GMPR: variants seen among roughly 807,000 people sequenced by gnomAD.
The protein encoded by GMPR is GMP reductase 1.
A neutral mutation model predicts 38.4 loss-of-function variants in GMPR; 31 were observed. The ratio of observed to expected loss-of-function variants is 0.81; its 90% CI spans 0.61 to 1.09. The LOEUF is 1.09. GMPR is among the 50% of genes least tolerant of loss of function. The probability of loss-of-function intolerance (pLI) is 0.00; values close to 1 mark genes in which losing one functional copy is unlikely to be tolerated. For missense variants in GMPR, 468 were observed against 453.7 expected (o/e 1.03, Z -0.29); for synonymous variants, 162 against 173.3 (o/e 0.93, Z 0.51).
chr6:16,267,591 A>T (rs1759283675), intron 4 of GMPR, among the ~76,000 whole-genome samples: 1 of 152,102 alleles, frequency 6.6e-6, no homozygotes, highest in African/African-American at 2.4e-5. Flanking sequence ...ATCTGACGGA[A>T]CAAACTCCGG....
At chr6:16,276,746 A>T (rs925165913) in intron 5 of GMPR, among the ~76,000 whole-genome samples, 3 of 152,182 alleles carry the variant, frequency 2.0e-5, no homozygotes, top group Non-Finnish European at 4.4e-5. Flanking sequence ...TGCATATTAC[A>T]TATCTAAATG....
intron 7 of GMPR, among the ~76,000 whole-genome samples, chr6:16,287,130 G>C (rs961847000): frequency 6.6e-6 from 1 of 152,186 alleles, no homozygotes; most frequent in African/African-American, 2.4e-5. Flanking sequence ...TGAGGGGACT[G>C]AGGCTGTAGG....
At chr6:16,282,027 C>T (rs1225799077) in intron 6 of GMPR, among the ~76,000 whole-genome samples, 1 of 152,234 alleles carries the variant, frequency 6.6e-6, no homozygotes, top group South Asian at 2.1e-4. Context: ...TTGCCAGTAG[C>T]CCTGAACCTG....
intron 1 of GMPR, among the ~76,000 whole-genome samples, chr6:16,245,913 G>A (rs905268069): frequency 3.7e-4 from 56 of 152,194 alleles, no homozygotes; most frequent in African/African-American, 1.3e-3. Context: ...GGTTCTGGGA[G>A]AACTACCCTG....
intron 1 of GMPR, among the ~76,000 whole-genome samples, chr6:16,243,392 CCT>C (rs1418130594): frequency 3.3e-5 from 5 of 152,128 alleles, no homozygotes; most frequent in Non-Finnish European, 7.4e-5. Context: ...TTCTCACGAG[CCT>C]GATAACTGAT....
intron 7 of GMPR, among the ~76,000 whole-genome samples, chr6:16,286,840 A>G (rs969814571): frequency 6.6e-6 from 1 of 152,122 alleles, no homozygotes; most frequent in Non-Finnish European, 1.5e-5. Context: ...CGGGAGCCAG[A>G]AGTTGCAGTG....
At chr6:16,239,902 G>C (rs1758614104) in intron 1 of GMPR, among the ~76,000 whole-genome samples, 2 of 152,218 alleles carry the variant, frequency 1.3e-5, no homozygotes, top group African/African-American at 4.8e-5. Flanking sequence ...GGACGTAGGG[G>C]AGGAATGATT....
rs557183409 is a variant in GMPR, at chr6:16,280,155, G to A, written c.654+1265G>A. Among the ~76,000 whole-genome samples the A allele has an allele frequency of 1.1e-4, 16 of 152,306 alleles. 1 individual carries two copies. The highest frequency in any genetic ancestry group is 6.8e-3 in the Middle Eastern group (2 of 294). ...GCTGGTGTGGTGATCACTATGGCAC[G>A]TGTCTGTTGATTCTGAGGTGCTTGA... On this transcript the variant is annotated intron_variant, in intron 6 of 8. Transcript: ENST00000259727.
chr6:16,291,488 T>C (rs1169638449), intron 8 of GMPR, among the ~76,000 whole-genome samples: 1 of 152,132 alleles, frequency 6.6e-6, no homozygotes, highest in Non-Finnish European at 1.5e-5. Context: ...CCTCCCAAAG[T>C]GCTGGGATTA....
intron 4 of GMPR, among the ~76,000 whole-genome samples, chr6:16,265,375 G>T (rs1382077724): frequency 6.6e-6 from 1 of 152,206 alleles, no homozygotes; most frequent in Admixed American, 6.5e-5. Context: ...GTGAGAGCTG[G>T]ACCTGGCATT....
At chr6:16,266,907 C>CT (rs1393440413) in intron 4 of GMPR, among the ~76,000 whole-genome samples, 1 of 151,832 alleles carries the variant, frequency 6.6e-6, no homozygotes, top group African/African-American at 2.4e-5. Context: ...GACGTGCCAC[C>CT]TTTAAGAGCT....
At chr6:16,250,414 C>A in intron 3 of GMPR, 47 bp downstream of exon 3, 1 of 1,035,302 alleles carries the variant, frequency 9.7e-7, no homozygotes, top group Non-Finnish European at 1.5e-6. Context: ...CAGGGGGGAA[C>A]AAAATCTTCA....
chr6:16,256,716 C>T (rs1301855115), intron 4 of GMPR, among the ~76,000 whole-genome samples: 1 of 152,120 alleles, frequency 6.6e-6, no homozygotes, highest in Non-Finnish European at 1.5e-5. Flanking sequence ...TTATTGGTCT[C>T]AGCCCTTGGT....
intron 6 of GMPR, among the ~76,000 whole-genome samples, chr6:16,280,106 T>C (rs1028875690): frequency 1.1e-4 from 17 of 152,270 alleles, no homozygotes; most frequent in African/African-American, 4.1e-4. Flanking sequence ...ACCTGGAAGA[T>C]GGCTGCAAAG....
intron 3 of GMPR, 85 bp from the exon 4 acceptor site, chr6:16,254,475 GTC>G: frequency 8.7e-7 from 1 of 1,150,282 alleles, no homozygotes; most frequent in Admixed American, 1.8e-5. Context: ...TTGTTGTACT[GTC>G]CCAGAATAGG....
At chr6:16,263,514 C>T (rs1002052228) in intron 4 of GMPR, among the ~76,000 whole-genome samples, 4 of 151,370 alleles carry the variant, frequency 2.6e-5, no homozygotes, top group Non-Finnish European at 5.9e-5. Flanking sequence ...AGTAGAGACA[C>T]GGAGGGAAGG....
intron 4 of GMPR, among the ~76,000 whole-genome samples, chr6:16,265,186 C>G (rs1448010159): frequency 6.6e-6 from 1 of 152,240 alleles, no homozygotes; most frequent in Non-Finnish European, 1.5e-5. Context: ...CTCCTGACTT[C>G]AAGTAGTCCT....
chr6:16,285,665 TGGGCCCGTGGGCTTGCTG>T, intron 6 of GMPR, 110 bp from the exon 7 acceptor site: 1 of 730,148 alleles, frequency 1.4e-6, no homozygotes, highest in Non-Finnish European at 2.5e-6. Context: ...TAGGGGAACT[TGGGCCCGTGGGCTTGCTG>T]GGGGCTGTGG....
chr6:16,283,530 G>C (rs1307797786), intron 6 of GMPR, among the ~76,000 whole-genome samples: 1 of 152,194 alleles, frequency 6.6e-6, no homozygotes, highest in African/African-American at 2.4e-5. Context: ...GGTCTACGCT[G>C]ACCATTTCAC....
Sources: gnomAD v4.1 joint callset for allele counts (sites outside exome capture counted in the v4.1 genomes callset) on GRCh38, gnomAD v4.1.1 for gene constraint, MANE v1.5 for transcripts, NCBI Gene and HGNC (gene_info 2026-07-23, HGNC 2026-07-21) for gene names.